Variants in CTBP2 observed in about 807,000 individuals in gnomAD.
CTBP2 encodes C-terminal binding protein 2.
Under a neutral mutation model 80.3 loss-of-function variants are expected in CTBP2, and 30 were observed. The ratio of observed to expected loss-of-function variants is 0.37; its 90% CI spans 0.28 to 0.51. The LOEUF (loss-of-function observed/expected upper bound fraction) is 0.51, where lower values mean the gene tolerates loss of function less well. CTBP2 is among the 20% of genes least tolerant of loss of function. The pLI, the probability that CTBP2 is intolerant of heterozygous loss-of-function variation, is 0.93. For missense variants in CTBP2, 1,212 were observed against 1,375.3 expected, an observed-to-expected ratio of 0.88 and a Z score of 1.88; for synonymous variants, 594 against 587.4, an observed-to-expected ratio of 1.01 and a Z score of -0.16.
intron 1 of CTBP2, among the ~76,000 whole-genome samples, chr10:125,023,070 G>C (rs1957213458): frequency 6.6e-6 from 1 of 152,224 alleles, no homozygotes; most frequent in Non-Finnish European, 1.5e-5. Context: ...TCTGGTGACA[G>C]GTAACTGTCA....
In CTBP2 at chr10:125,066,444, G is replaced by A. The variant is rs894612065; in HGVS notation, c.-101-27289C>T. Among the ~76,000 whole-genome samples, 1 of 152,206 alleles carries A rather than the reference G, an allele frequency of 6.6e-6. No homozygotes were observed. The highest frequency in any genetic ancestry group is 2.4e-5 in the African/African-American group (1 of 41,458). ...GCAGGGCAGGAACGGAAGGCAAGCA[G>A]GGTGCGCAGATGTAACGGGGGAAGC... On this transcript the variant is annotated intron_variant, in intron 2 of 10. Transcript: ENST00000337195. This position sits in a 1 kb window ranked among gnomAD's most constrained non-coding sequence, Gnocchi z 4.1.
rs184710042 is a variant in CTBP2 at position 125,053,353 on chromosome 10, A to G, written c.-101-14198T>C. ...ACTCTATCTTTTGAATGGCAACCTC[A>G]CTGCCCGCCGAACAGAGAGCAAGAG... On this transcript the variant is annotated intron_variant, in intron 2 of 10. Transcript: ENST00000337195. 1.8e-3 allele frequency among the ~76,000 whole-genome samples: 274 copies of G among 152,352 alleles called. 2 individuals are homozygous for G. The highest frequency in any genetic ancestry group is 2.8e-3 in the Non-Finnish European group (189 of 68,030).
chr10:125,157,844 C>A (rs1301254716), intron 1 of CTBP2, among the ~76,000 whole-genome samples: 1 of 152,122 alleles, frequency 6.6e-6, no homozygotes, highest in South Asian at 2.1e-4. Flanking sequence ...TGTTTTTTTG[C>A]TTGAAATCTA....
At chr10:125,046,435 G>A (rs952802565) in intron 2 of CTBP2, among the ~76,000 whole-genome samples, 3 of 150,904 alleles carry the variant, frequency 2.0e-5, no homozygotes, top group Admixed American at 1.3e-4. Flanking sequence ...CTACTGGGGA[G>A]GCTGAGGCAT....
In CTBP2 at chr10:125,005,601, C is replaced by T. The variant is rs41303611; in HGVS notation, c.1679-2109G>A. 0.02 allele frequency: 31,714 copies of T among 1,612,740 alleles called. 392 individuals carry two copies. The highest frequency in any genetic ancestry group is 0.023 in the Non-Finnish European group (26,915 of 1,179,792). ...AGCGTGCAGCACAAAGCTGGATACC[C>T]CCTCAGCTCATCCGCGAGATCCGCA... On this transcript the variant is annotated intron_variant, in intron 1 of 8. Transcript: ENST00000309035.
intron 2 of CTBP2, among the ~76,000 whole-genome samples, chr10:125,051,984 C>T (rs904328055): frequency 1.3e-5 from 2 of 152,178 alleles, no homozygotes; most frequent in Non-Finnish European, 2.9e-5. Flanking sequence ...AGCACCCCTG[C>T]GGATGCCTTA....
chr10:125,016,630 A>G (rs1027907276), intron 1 of CTBP2, among the ~76,000 whole-genome samples: 1 of 152,230 alleles, frequency 6.6e-6, no homozygotes, highest in African/African-American at 2.4e-5. Flanking sequence ...AGTGGTCCTA[A>G]AACCCAAGAG....
chr10:125,076,133 T>C (rs1846238175), intron 2 of CTBP2, among the ~76,000 whole-genome samples: 1 of 152,050 alleles, frequency 6.6e-6, no homozygotes, highest in Non-Finnish European at 1.5e-5. Context: ...CCTCTATTCC[T>C]TTCTTTTCCC....
chr10:125,074,954 G>T (rs538316355), intron 2 of CTBP2, among the ~76,000 whole-genome samples: 1 of 152,208 alleles, frequency 6.6e-6, no homozygotes, highest in Non-Finnish European at 1.5e-5. Flanking sequence ...AGGCGGAGCC[G>T]AGAAAACAAT....
chr10:125,161,037 C>T (rs192402886), upstream of CTBP2: 1 of 147,638 alleles, frequency 6.8e-6, no homozygotes, highest in East Asian at 2.1e-4. Context: ...AGGTGAGGGT[C>T]GCCGCTCGCT....
intron 1 of CTBP2, chr10:125,160,073 C>G (rs1433027034): frequency 9.9e-5 from 15 of 150,954 alleles, no homozygotes; most frequent in Non-Finnish European, 1.9e-4. Flanking sequence ...CGGGCGCAAT[C>G]GGTGGCGGGG....
chr10:125,069,392 T>G (rs7091659), intron 2 of CTBP2, among the ~76,000 whole-genome samples: 51,988 of 151,956 alleles, frequency 0.34, 9,966 homozygotes, highest in Middle Eastern at 0.48. Context: ...CCGAGGTGCG[T>G]GGATCAACTG....
intron 2 of CTBP2, among the ~76,000 whole-genome samples, chr10:125,099,141 G>A (rs890905755): frequency 6.6e-6 from 1 of 152,200 alleles, no homozygotes; most frequent in African/African-American, 2.4e-5. Context: ...TTAGGAAAAG[G>A]CTGTGGAGCA....
chr10:125,005,514 C>A, intron 1 of CTBP2: 2 of 1,577,504 alleles, frequency 1.3e-6, no homozygotes, highest in South Asian at 1.1e-5. Flanking sequence ...GAAAATAAGG[C>A]AGGGACGAGG....
At chr10:125,000,771 C>G (rs1954358111) in intron 3 of CTBP2, 1 of 152,286 alleles carries the variant, frequency 6.6e-6, no homozygotes, top group Non-Finnish European at 1.5e-5. Context: ...CCTCTTTCAT[C>G]AGGAGAGGGC....
intron 1 of CTBP2, among the ~76,000 whole-genome samples, chr10:125,155,844 G>A (rs1860819797): frequency 6.6e-6 from 1 of 152,108 alleles, no homozygotes; most frequent in South Asian, 2.1e-4. Context: ...CGTAAATTAA[G>A]ACATGCTTAC....
chr10:125,003,517 C>A (rs1954822140), intron 1 of CTBP2, 25 bp from the exon 4 acceptor site: 3 of 1,524,398 alleles, frequency 2.0e-6, no homozygotes, highest in Non-Finnish European at 2.6e-6. Flanking sequence ...GGGGTGAGCA[C>A]AGTGGGTGGG....
chr10:125,118,287 A>G (rs1296501887), intron 1 of CTBP2, among the ~76,000 whole-genome samples: 1 of 152,218 alleles, frequency 6.6e-6, no homozygotes, highest in Non-Finnish European at 1.5e-5. Context: ...TTGCGGCATT[A>G]GCTAGGCTTC....
At chr10:125,087,075 CTTTTTTTTTTT>C (rs564770474) in intron 2 of CTBP2, among the ~76,000 whole-genome samples, 1 of 136,560 alleles carries the variant, frequency 7.3e-6, no homozygotes, top group Non-Finnish European at 1.6e-5. Context: ...CAATTTCTTT[CTTTTTTTTTTT>C]TTTTTTGAGA....
Sources: allele counts gnomAD v4.1 joint callset (sites outside exome capture counted in the v4.1 genomes callset), GRCh38; gene constraint gnomAD v4.1.1; non-coding constraint Gnocchi (gnomAD v3.1); transcripts MANE v1.5; gene names NCBI Gene and HGNC (gene_info 2026-07-23, HGNC 2026-07-21).